The following SLC41A1 variants were observed in gnomAD, a reference collection of about 807,000 sequenced individuals.
SLC41A1 encodes solute carrier family 41 (magnesium transporter), member 1.
A neutral mutation model predicts 47.3 loss-of-function variants in SLC41A1; 20 were observed. That is an observed-to-expected ratio of 0.42 (90% CI 0.30 to 0.61). The LOEUF is 0.61. Among genes scored for constraint, SLC41A1 ranks in the 20% least tolerant of loss-of-function variants. The pLI, the probability that SLC41A1 is intolerant of heterozygous loss-of-function variation, is 0.17. For synonymous variants in SLC41A1, 282 were observed against 272.7 expected, an observed-to-expected ratio of 1.03 and a Z score of -0.34; for missense variants, 504 against 674.1, an observed-to-expected ratio of 0.75 and a Z score of 2.79.
Position 205,790,247 on chromosome 1 carries a change from A to G in SLC41A1, c.*1286T>C, listed in dbSNP as rs958024368. 4 of 152,224 alleles carry G rather than the reference A, an allele frequency of 2.6e-5. No individual in the cohort carries two copies. The highest frequency in any genetic ancestry group is 9.6e-5 in the African/African-American group (4 of 41,452). 9.4% of individuals were successfully genotyped at this position (152,224 alleles called of 1,614,324 possible). ...TTCTCTGCCAGATTCAAAGGGGCAC[A>G]TGGCCTTTGTAACCTGGAGAATGAG... On this transcript the variant is annotated 3_prime_UTR_variant, in exon 11 of 11. Transcript: ENST00000367137.
At chr1:205,794,385 G>GA (rs1412838496) in intron 10 of SLC41A1, among the ~76,000 whole-genome samples, 1 of 152,160 alleles carries the variant, frequency 6.6e-6, no homozygotes, top group African/African-American at 2.4e-5. Context: ...CAAGAAGGGA[G>GA]AAAGTGTCAT....
chr1:205,809,630 T>C (rs1656098178), intron 2 of SLC41A1, among the ~76,000 whole-genome samples: 2 of 152,018 alleles, frequency 1.3e-5, no homozygotes, highest in African/African-American at 4.8e-5. Flanking sequence ...TCCTGCCCAG[T>C]AGGGGGATGG....
chr1:205,807,937 A>G (rs1244280806), intron 2 of SLC41A1, among the ~76,000 whole-genome samples: 1 of 151,308 alleles, frequency 6.6e-6, no homozygotes, highest in African/African-American at 2.4e-5. Context: ...GATTACAGGC[A>G]TAAGCCACCA....
chr1:205,792,518 A>G (rs1655648052), intron 10 of SLC41A1, among the ~76,000 whole-genome samples: 1 of 152,180 alleles, frequency 6.6e-6, no homozygotes, highest in African/African-American at 2.4e-5. Context: ...GAATCTCGCT[A>G]GTGGGCCCAG....
rs529766449 is a variant in SLC41A1 at position 205,791,972 on chromosome 1, G to C, written c.1357-254C>G. ...CTACGACCCAGGGTCACCCACATCA[G>C]CATTATATTCTGCTCCCAAGTTTAC... On this transcript the variant is annotated intron_variant, in intron 10 of 10. Coordinates refer to ENST00000367137, the MANE Select transcript of SLC41A1 (RefSeq NM_173854.6). The surrounding 1 kb of genome is among the most constrained non-coding windows in gnomAD (Gnocchi z 4.0). Among the ~76,000 whole-genome samples, 1 of 152,328 alleles carries C rather than the reference G, an allele frequency of 6.6e-6. No homozygotes were observed. Among genetic ancestry groups the C allele is most frequent in the Non-Finnish European group, 1.5e-5 (1 of 68,036 alleles).
rs1408499938 is a variant in SLC41A1 at position 205,790,275 on chromosome 1, G to T, written c.*1258C>A. On this transcript the variant is annotated 3_prime_UTR_variant, in exon 11 of 11. Coordinates refer to ENST00000367137, the MANE Select transcript of SLC41A1 (RefSeq NM_173854.6). ...GCCTTTGTAACCTGGAGAATGAGGTGAGGTTAGAGCTGTGTTTCCCTTACC... is the reference window on the plus strand; with the variant it reads ...GCCTTTGTAACCTGGAGAATGAGGTTAGGTTAGAGCTGTGTTTCCCTTACC... 1 of 152,246 alleles carries T rather than the reference G, an allele frequency of 6.6e-6. No individual in the cohort carries two copies. The highest frequency in any genetic ancestry group is 6.5e-5 in the Admixed American group (1 of 15,282). The allele number at this position is 152,246 out of a possible 1,614,324, so 9.4% of individuals were successfully genotyped here. A position where few individuals can be genotyped will look rare whatever the true frequency, so the allele number is the denominator to read the frequency against.
chr1:205,805,194 C>A (rs1359953113), intron 2 of SLC41A1, among the ~76,000 whole-genome samples: 1 of 152,176 alleles, frequency 6.6e-6, no homozygotes, highest in African/African-American at 2.4e-5. Context: ...AACGACCTGA[C>A]CCCAGGCCAG....
In SLC41A1 at chr1:205,798,993, T is replaced by C; in HGVS notation, c.661A>G (p.Ser221Gly). The C allele has an allele frequency of 6.2e-7, 1 of 1,614,084 alleles. No individual in the cohort carries two copies. Among genetic ancestry groups the C allele is most frequent in the South Asian group, 1.1e-5 (1 of 91,084 alleles). The change falls in exon 5 of 11, where the codon AGC (serine) becomes GGC (glycine). Residue 221 changes from serine (S) to glycine (G), a missense_variant. Physicochemically the swap from Ser to Gly is moderately conservative, Grantham distance 56. Transcript: ENST00000367137. ...GAGGCAATGAAGGCTGTGGCCACGC[T>C]GCTAGCACAGAGCAGGAAGGCGTGC... Reference protein sequence around the residue: ...IPHAFLLCASSVATAFIASLV... With the variant: ...IPHAFLLCASGVATAFIASLV...
chr1:205,792,309 T>G (rs1655644377), intron 10 of SLC41A1, among the ~76,000 whole-genome samples: 1 of 152,218 alleles, frequency 6.6e-6, no homozygotes, highest in African/African-American at 2.4e-5. Context: ...TCTTTTCCAT[T>G]GTTTGGGCTC....
intron 6 of SLC41A1, 145 bp from the exon 7 acceptor site, chr1:205,798,196 T>C: frequency 7.7e-7 from 1 of 1,293,624 alleles, no homozygotes; most frequent in African/African-American, 1.5e-5. Flanking sequence ...TGATCTTCAC[T>C]GGCAGCTCAG....
rs1472156807 is a variant in SLC41A1, at chr1:205,791,485, T to C, written c.*48A>G. 6.2e-7 allele frequency: 1 copy of C among 1,612,300 alleles called. No homozygotes were observed. Among genetic ancestry groups the C allele is most frequent in the Admixed American group, 1.7e-5 (1 of 59,882 alleles). On this transcript the variant is annotated 3_prime_UTR_variant, in exon 11 of 11. Transcript: ENST00000367137. The surrounding 1 kb of genome is among the most constrained non-coding windows in gnomAD (Gnocchi z 4.0). ...GAGGGACAGGGGAACAAAAGAAAAATTTCAAATAGAAAGTGCAGAGGGATG... is the reference window on the plus strand; with the variant it reads ...GAGGGACAGGGGAACAAAAGAAAAACTTCAAATAGAAAGTGCAGAGGGATG...
At chr1:205,795,604 T>C (rs1655733152) in intron 8 of SLC41A1, 126 bp from the exon 9 acceptor site, 3 of 1,217,848 alleles carry the variant, frequency 2.5e-6, no homozygotes, top group Non-Finnish European at 3.5e-6. Context: ...TTAGGGTCTA[T>C]GTGGGCATCA....
chr1:205,794,906 G>A lies in SLC41A1; in HGVS notation c.1320C>T (p.Ile440=), dbSNP rs772119819. 2 of 1,614,088 alleles carry A rather than the reference G, an allele frequency of 1.2e-6. No homozygotes were observed. Among genetic ancestry groups the A allele is most frequent in the Admixed American group, 1.7e-5 (1 of 60,012 alleles). Residue 440 remains isoleucine, a synonymous_variant, in exon 10 of 11, where the codon ATC becomes ATT. Transcript: ENST00000367137. ...CAGCTGTCATATAGAAGATGATGAA[G>A]ATGAGTGTGAGGGTGGTGTGCCCGC... is the stretch of plus-strand genomic sequence containing the variant. ...MQGGHTTLTL[I]FIIFYMTAAL...
intron 2 of SLC41A1, among the ~76,000 whole-genome samples, chr1:205,803,521 A>G (rs1435468687): frequency 1.3e-5 from 2 of 152,172 alleles, no homozygotes; most frequent in African/African-American, 2.4e-5. Flanking sequence ...ATCCTGTCAT[A>G]TGCCACAACA....
intron 1 of SLC41A1, 42 bp downstream of exon 1, chr1:205,812,766 C>CT: frequency 7.1e-6 from 7 of 985,878 alleles, no homozygotes; most frequent in Non-Finnish European, 8.4e-6. Context: ...GACTGCCGCC[C>CT]TCCACCACCC....
In SLC41A1 at chr1:205,800,992, C is replaced by T. The variant is rs1245344018; in HGVS notation, c.441G>A (p.Gly147=). ...TTGATGCCAGGGTCATTTCCAGGTT[C>T]CCTTTGAGCCCCAGCAGCGCAGGCA... ...ILVPALLGLK[G]NLEMTLASRL... Residue 147 remains glycine (G), a synonymous_variant, in exon 3 of 11, where the codon GGG becomes GGA. Transcript: ENST00000367137. The T allele has an allele frequency of 6.2e-7, 1 of 1,614,184 alleles. No individual in the cohort carries two copies.
rs1571642491 is a variant in SLC41A1 at position 205,798,110 on chromosome 1, C to T, written c.845-59G>A. On this transcript the variant is annotated intron_variant, in intron 6 of 10. Coordinates refer to ENST00000367137, the MANE Select transcript of SLC41A1 (RefSeq NM_173854.6). The stretch of plus-strand genomic sequence containing the variant: ...TGTGTTTCCCTACCCTAAGTTTCTC[C>T]CTGGCTCAGCCTGAAAATGTCCCAA... 8.7e-6 allele frequency: 14 copies of T among 1,609,896 alleles called. No homozygotes were observed. In the East Asian group the frequency reaches 2.7e-4, roughly 31 times the overall value.
intron 10 of SLC41A1, among the ~76,000 whole-genome samples, chr1:205,793,712 C>CA (rs1655677269): frequency 6.6e-6 from 1 of 152,028 alleles, no homozygotes; most frequent in Non-Finnish European, 1.5e-5. Context: ...GGAATGATCT[C>CA]AAAGATAAAC....
At chr1:205,807,648 G>GTTTTTTT (rs1170069554) in intron 2 of SLC41A1, among the ~76,000 whole-genome samples, 2 of 100,154 alleles carry the variant, frequency 2.0e-5, no homozygotes, top group Admixed American at 1.3e-4. Context: ...TCCTCGTAGA[G>GTTTTTTT]TCTTTTTTTT....
Sources: gnomAD v4.1 joint callset for allele counts (sites outside exome capture counted in the v4.1 genomes callset) on GRCh38, gnomAD v4.1.1 for gene constraint, Gnocchi (gnomAD v3.1) non-coding constraint, MANE v1.5 for transcripts, NCBI Gene and HGNC (gene_info 2026-07-23, HGNC 2026-07-21) for gene names.